Variants in PRMT8 observed in about 807,000 individuals in gnomAD.
PRMT8 encodes the protein protein arginine N-methyltransferase 8.
Under a neutral mutation model 47.1 loss-of-function variants are expected in PRMT8, and 7 were observed. The observed-to-expected ratio is 0.15, with a 90% CI of 0.08 to 0.28. The LOEUF (loss-of-function observed/expected upper bound fraction) is 0.28. Among genes scored for constraint, PRMT8 ranks in the 10% least tolerant of loss-of-function variants. The probability of loss-of-function intolerance (pLI) is 1.00; values close to 1 mark genes in which losing one functional copy is unlikely to be tolerated. For missense variants in PRMT8, 237 were observed against 505.4 expected (o/e 0.47, Z 5.09); for synonymous variants, 188 against 186.5 (o/e 1.01, Z -0.07).
chr12:3,539,815 C>T (rs565813681), intron 1 of PRMT8, among the ~76,000 whole-genome samples: 29 of 152,270 alleles, frequency 1.9e-4, no homozygotes, highest in African/African-American at 6.3e-4. Context: ...GTGTGGAGGC[C>T]ATCAGTGTGG....
chr12:3,456,072 G>C lies in PRMT8; in HGVS notation c.48+74630G>C, dbSNP rs1864970404. Among the ~76,000 whole-genome samples, 1 of 152,202 alleles carries C rather than the reference G, an allele frequency of 6.6e-6. No homozygotes were observed. The highest frequency in any genetic ancestry group is 2.4e-5 in the African/African-American group (1 of 41,432). On this transcript the variant is annotated intron_variant, in intron 1 of 9. Coordinates refer to the PRMT8 transcript ENST00000452611. The surrounding 1 kb of genome is among the most constrained non-coding windows in gnomAD (Gnocchi z 4.2). Reference sequence around the variant, plus strand: ...AAGTCACACCTCACAGGGAAACTGAGGCTGACGCAGGAAGACAAATACAAA... The same window carrying C: ...AAGTCACACCTCACAGGGAAACTGACGCTGACGCAGGAAGACAAATACAAA...
At chr12:3,556,959 G>A (rs1324732121) in intron 4 of PRMT8, among the ~76,000 whole-genome samples, 2 of 152,210 alleles carry the variant, frequency 1.3e-5, no homozygotes, top group Non-Finnish European at 1.5e-5. Flanking sequence ...AGCCATAGAA[G>A]TGGGGGAAAG....
At chr12:3,579,795 G>A (rs1028771679) in intron 7 of PRMT8, among the ~76,000 whole-genome samples, 4 of 152,088 alleles carry the variant, frequency 2.6e-5, no homozygotes, top group South Asian at 2.1e-4. Context: ...CTTCTGCTCC[G>A]AGACATCCAT....
At position 3,538,813 on chromosome 12, in the gene PRMT8, T is replaced by G; in HGVS notation, c.76-1793T>G. 2.0e-6 allele frequency: 1 copy of G among 505,502 alleles called. No homozygotes were observed. Among genetic ancestry groups the G allele is most frequent in the Non-Finnish European group, 4.0e-6 (1 of 250,852 alleles). The allele number at this position is 505,502 out of a possible 1,614,324, so 31.3% of individuals were successfully genotyped here. On this transcript the variant is annotated intron_variant, in intron 1 of 9. Transcript: ENST00000382622. The surrounding 1 kb of genome is among the most constrained non-coding windows in gnomAD (Gnocchi z 4.6). ...GCTGAGAGTGGGCACACCTGCTGCA[T>G]TCTAATGAGGCAGCCCCACTCGCCT...
At chr12:3,534,208 G>T (rs1312720001) in intron 1 of PRMT8, among the ~76,000 whole-genome samples, 3 of 152,268 alleles carry the variant, frequency 2.0e-5, no homozygotes, top group Admixed American at 6.5e-5. Context: ...ACTCAGGTTA[G>T]AAAAAGCTCT....
intron 1 of PRMT8, among the ~76,000 whole-genome samples, chr12:3,465,758 C>A (rs1865091681): frequency 6.6e-6 from 1 of 152,180 alleles, no homozygotes; most frequent in Non-Finnish European, 1.5e-5. Context: ...GACTTGAGGA[C>A]CTTTCAGAGG....
At chr12:3,418,805 GGCTGGGCTGGCT>G (rs1209921539) in intron 1 of PRMT8, among the ~76,000 whole-genome samples, 1 of 152,014 alleles carries the variant, frequency 6.6e-6, no homozygotes, top group Non-Finnish European at 1.5e-5. Flanking sequence ...GGGTGGGTGG[GGCTGGGCTGGCT>G]GCTTGAAGAG....
intron 1 of PRMT8, among the ~76,000 whole-genome samples, chr12:3,415,578 G>A (rs917219373): frequency 6.6e-6 from 1 of 152,200 alleles, no homozygotes. Context: ...GGAATTGCAT[G>A]TCAGGAAACT....
Position 3,508,854 on chromosome 12 carries a change from C to G in PRMT8, c.75+17154C>G, listed in dbSNP as rs1355758107. Among the ~76,000 whole-genome samples the G allele has an allele frequency of 6.6e-6, 1 of 152,200 alleles. No individual in the cohort carries two copies. The highest frequency in any genetic ancestry group is 2.4e-5 in the African/African-American group (1 of 41,444). On this transcript the variant is annotated intron_variant, in intron 1 of 9. Transcript: ENST00000382622. This position sits in a 1 kb window ranked among gnomAD's most constrained non-coding sequence, Gnocchi z 4.9. ...CCGGAGTCCTGCCCTCTTCCCAGCTCCTGCCATTCTCACTTTTCTTGGTAA... is the reference window on the plus strand; with the variant it reads ...CCGGAGTCCTGCCCTCTTCCCAGCTGCTGCCATTCTCACTTTTCTTGGTAA...
intron 8 of PRMT8, among the ~76,000 whole-genome samples, chr12:3,590,647 AAG>A (rs1238524547): frequency 6.7e-6 from 1 of 149,960 alleles, no homozygotes; most frequent in African/African-American, 2.5e-5. Flanking sequence ...AAAAAAAAAA[AAG>A]AAATCCTGGT....
chr12:3,524,878 T>A lies in PRMT8; in HGVS notation c.76-15728T>A, dbSNP rs561259683. Reference sequence around the variant, plus strand: ...ACTGTTCTCCAAGTCTCTGAGTCCATTGTTTGGGTTTAAATGGGTAAGTTT... The same window carrying A: ...ACTGTTCTCCAAGTCTCTGAGTCCAATGTTTGGGTTTAAATGGGTAAGTTT... On this transcript the variant is annotated intron_variant, in intron 1 of 9. Coordinates refer to ENST00000382622, the MANE Select transcript of PRMT8 (RefSeq NM_019854.5). 7.9e-5 allele frequency among the ~76,000 whole-genome samples: 12 copies of A among 152,268 alleles called. No individual in the cohort carries two copies. The South Asian group carries it at 2.5e-3, about 32-fold the overall frequency.
chr12:3,397,614 A>G (rs1183669407), intron 1 of PRMT8, among the ~76,000 whole-genome samples: 1 of 151,866 alleles, frequency 6.6e-6, no homozygotes, highest in Non-Finnish European at 1.5e-5. Flanking sequence ...CTCTCTTCAA[A>G]GCTGTCAGAC....
Position 3,514,211 on chromosome 12 carries a change from CT to C in PRMT8, c.75+22525del, listed in dbSNP as rs377360240. 8.7e-3 allele frequency among the ~76,000 whole-genome samples: 1,227 copies of C among 141,760 alleles called. 5 individuals carry two copies. Among genetic ancestry groups the C allele is most frequent in the African/African-American group, 0.017 (671 of 38,704 alleles). The allele number at this position is 141,760 out of a possible 152,430, so 93.0% of individuals were successfully genotyped here. ...TCTAGCCTCTCTGAATTCATCCTGCCTTTTTTTTTTTTTTCTGTTACCCCTA... is the reference window on the plus strand; with the variant it reads ...TCTAGCCTCTCTGAATTCATCCTGCCTTTTTTTTTTTTTCTGTTACCCCTA... On this transcript the variant is annotated intron_variant, in intron 1 of 9. Coordinates refer to ENST00000382622, the MANE Select transcript of PRMT8 (RefSeq NM_019854.5). The surrounding 1 kb of genome is among the most constrained non-coding windows in gnomAD (Gnocchi z 5.9).
chr12:3,548,524 G>A (rs1866364671), intron 2 of PRMT8, among the ~76,000 whole-genome samples: 1 of 152,016 alleles, frequency 6.6e-6, no homozygotes, highest in South Asian at 2.1e-4. Context: ...CAGAGGACTT[G>A]AATAGGCACT....
At chr12:3,465,391 G>A (rs1461712130) in intron 1 of PRMT8, among the ~76,000 whole-genome samples, 4 of 151,268 alleles carry the variant, frequency 2.6e-5, no homozygotes, top group African/African-American at 7.3e-5. Flanking sequence ...CACTGAAGGC[G>A]GGTTTCCCAA....
intron 1 of PRMT8, among the ~76,000 whole-genome samples, chr12:3,454,845 A>G (rs1462310468): frequency 6.6e-6 from 1 of 152,178 alleles, no homozygotes; most frequent in Non-Finnish European, 1.5e-5. Context: ...TACAGATAAC[A>G]ACTGGAGCAG....
intron 1 of PRMT8, among the ~76,000 whole-genome samples, chr12:3,424,918 G>T (rs4766117): frequency 6.6e-6 from 1 of 152,016 alleles, no homozygotes; most frequent in African/African-American, 2.4e-5. Context: ...TTGGCCATGC[G>T]TGGACCAGTC....
intron 1 of PRMT8, among the ~76,000 whole-genome samples, chr12:3,479,916 G>A (rs1383703947): frequency 6.6e-6 from 1 of 152,084 alleles, no homozygotes; most frequent in Admixed American, 6.5e-5. Context: ...AGAATGAGAG[G>A]AAACTATGGT....
intron 1 of PRMT8, among the ~76,000 whole-genome samples, chr12:3,481,284 A>G (rs1414260570): frequency 1.3e-5 from 2 of 152,292 alleles, no homozygotes; most frequent in Admixed American, 1.3e-4. Flanking sequence ...CTTTATGGGC[A>G]CTTTTGTCTA....
Sources: allele counts gnomAD v4.1 joint callset (sites outside exome capture counted in the v4.1 genomes callset), GRCh38; gene constraint gnomAD v4.1.1; non-coding constraint Gnocchi (gnomAD v3.1); transcripts MANE v1.5; gene names NCBI Gene and HGNC (gene_info 2026-07-23, HGNC 2026-07-21).